RAB1A: variants seen among roughly 807,000 people sequenced by gnomAD.
RAB1A encodes the protein RAB1A, member RAS oncogene family, also known as ras-related protein Rab-1A.
Under a neutral mutation model 26.0 loss-of-function variants are expected in RAB1A, and 2 were observed. That is an observed-to-expected ratio of 0.08 (90% confidence interval 0.03 to 0.24). The LOEUF (loss-of-function observed/expected upper bound fraction) is 0.24, where lower values mean the gene tolerates loss of function less well. Among genes scored for constraint, RAB1A ranks in the 10% least tolerant of loss-of-function variants. The pLI, the probability that RAB1A is intolerant of heterozygous loss-of-function variation, is 1.00. For synonymous variants in RAB1A, 84 were observed against 84.9 expected (o/e 0.99, Z 0.06); for missense variants, 100 against 247.0 (o/e 0.40, Z 3.99).
chr2:65,121,791 C>T (rs1669968280), intron 1 of RAB1A, among the ~76,000 whole-genome samples: 1 of 151,484 alleles, frequency 6.6e-6, no homozygotes, highest in African/African-American at 2.4e-5. Context: ...AAAGCGGGGG[C>T]CGGGGGGGAG....
chr2:65,088,602 G>A lies in RAB1A; in HGVS notation c.509C>T (p.Ala170Val). 6.2e-7 allele frequency: 1 copy of A among 1,613,660 alleles called. No individual in the cohort carries two copies. Among genetic ancestry groups the A allele is most frequent in the Non-Finnish European group, 8.5e-7 (1 of 1,179,798 alleles). The change falls in exon 6 of 6, where the codon GCT (alanine) becomes GTT (valine). Residue 170 changes from alanine (A) to valine (V), a missense_variant. This residue lies in a region of RAB1A where 67 missense variants were observed against 122.9 expected (regional missense o/e 0.55). Transcript: ENST00000409784. Reference sequence around the variant, plus strand: ...GGGACCCATTCGCTTTTTAATCTCAGCTGCCATCGTCATGAAAGACTGTTC... The same window carrying A: ...GGGACCCATTCGCTTTTTAATCTCAACTGCCATCGTCATGAAAGACTGTTC... ...NVEQSFMTMA[A>V]EIKKRMGPGA...
intron 1 of RAB1A, among the ~76,000 whole-genome samples, chr2:65,118,703 C>G (rs1428077626): frequency 1.3e-5 from 2 of 152,056 alleles, no homozygotes; most frequent in Non-Finnish European, 2.9e-5. Flanking sequence ...GTCTTGAACT[C>G]CTGAGCTCAG....
At chr2:65,119,967 TAGTA>T (rs948693568) in intron 1 of RAB1A, among the ~76,000 whole-genome samples, 72 of 152,014 alleles carry the variant, frequency 4.7e-4, no homozygotes, top group African/African-American at 1.4e-3. Context: ...TCACTAGCTT[TAGTA>T]AGTAAGAAAT....
chr2:65,091,930 C>G (rs1466203216), intron 3 of RAB1A, among the ~76,000 whole-genome samples: 1 of 152,236 alleles, frequency 6.6e-6, no homozygotes, highest in African/African-American at 2.4e-5. Context: ...CATTTAGGCT[C>G]AAACTCCCAA....
Position 65,104,916 on chromosome 2 carries a change from C to T in RAB1A, c.24-110G>A, listed in dbSNP as rs760403515. On this transcript the variant is annotated intron_variant, in intron 1 of 5. Coordinates refer to ENST00000409784, the MANE Select transcript of RAB1A (RefSeq NM_004161.5). Reference sequence around the variant, plus strand: ...TAACAACTCACTGTGAAGACTACATCTCCTATAAAGCCCATGCATGGCTTA... The same window carrying T: ...TAACAACTCACTGTGAAGACTACATTTCCTATAAAGCCCATGCATGGCTTA... 6.5e-6 allele frequency: 6 copies of T among 926,634 alleles called. No homozygotes were observed. The Admixed American group carries it at 1.0e-4, about 16-fold the overall frequency. The allele number at this position is 926,634 out of a possible 1,614,324, so 57.4% of individuals were successfully genotyped here.
rs756665684 is a variant in RAB1A, at chr2:65,129,902, T to C, written c.14A>G (p.Asn5Ser). Residue 5 changes from asparagine to serine, a missense_variant, in exon 1 of 6, where the codon AAT (asparagine) becomes AGT (serine). Physicochemically the swap from Asn to Ser is conservative, Grantham distance 46. Transcript: ENST00000409784. Reference protein sequence around the residue: MSSMNPEYDYLFKLL... With the variant: MSSMSPEYDYLFKLL... ...GCTCTCCTGAACTCACTATTCGGGA[T>C]TCATGCTGGACATGTCACTGCAGCT... 6.3e-7 allele frequency: 1 copy of C among 1,596,416 alleles called. No homozygotes were observed. The highest frequency in any genetic ancestry group is 8.5e-7 in the Non-Finnish European group (1 of 1,172,594).
chr2:65,113,200 TCA>T (rs1297059745), intron 1 of RAB1A, among the ~76,000 whole-genome samples: 1 of 152,216 alleles, frequency 6.6e-6, no homozygotes, highest in African/African-American at 2.4e-5. Context: ...GTTTCAAATT[TCA>T]GTTTAGAGTT....
chr2:65,106,346 C>T (rs1361194910), intron 1 of RAB1A: 2 of 309,720 alleles, frequency 6.5e-6, no homozygotes, highest in East Asian at 1.2e-4. Flanking sequence ...AAGTGAAAAC[C>T]ACGTCACAAT....
Position 65,088,276 on chromosome 2 carries a change from A to T in RAB1A, c.*217T>A, listed in dbSNP as rs1395079391. 6.3e-6 allele frequency: 3 copies of T among 472,492 alleles called. No homozygotes were observed. The highest frequency in any genetic ancestry group is 7.4e-6 in the Non-Finnish European group (2 of 269,106). The allele number at this position is 472,492 out of a possible 1,614,324, so 29.3% of individuals were successfully genotyped here. The stretch of plus-strand genomic sequence containing the variant: ...CACACATTATTTTATAAACCAGCAC[A>T]CAAAGGTTTAAAACAGTTCTGAAAA... On this transcript the variant is annotated 3_prime_UTR_variant, in exon 6 of 6. Coordinates refer to ENST00000409784, the MANE Select transcript of RAB1A (RefSeq NM_004161.5).
At chr2:65,124,356 G>C (rs1670045362) in intron 1 of RAB1A, among the ~76,000 whole-genome samples, 1 of 152,202 alleles carries the variant, frequency 6.6e-6, no homozygotes, top group Non-Finnish European at 1.5e-5. Flanking sequence ...AGGATCGCTT[G>C]AGGCCAGGAG....
chr2:65,129,859 C>T (rs1178758507), intron 1 of RAB1A, 34 bp downstream of exon 1: 7 of 1,586,002 alleles, frequency 4.4e-6, no homozygotes, highest in Non-Finnish European at 6.0e-6. Flanking sequence ...AGCTGGCCCA[C>T]GGACCCAGCC....
chr2:65,129,927 T>TGCCGCCGCCGCC lies in RAB1A; in HGVS notation c.-24_-13dup, dbSNP rs753592329. The TGCCGCCGCCGCC allele has an allele frequency of 1.3e-6, 2 of 1,585,540 alleles. No individual in the cohort carries two copies. Among genetic ancestry groups the TGCCGCCGCCGCC allele is most frequent in the Non-Finnish European group, 8.6e-7 (1 of 1,167,672 alleles). Reference sequence around the variant, plus strand: ...TTCATGCTGGACATGTCACTGCAGCTGCCGCCGCCGCCACCGCCGCCCTTG... The same window carrying TGCCGCCGCCGCC: ...TTCATGCTGGACATGTCACTGCAGCTGCCGCCGCCGCCGCCGCCGCCGCCACCGCCGCCCTTG... On this transcript the variant is annotated 5_prime_UTR_variant, in exon 1 of 6. Coordinates refer to ENST00000409784, the MANE Select transcript of RAB1A (RefSeq NM_004161.5).
intron 4 of RAB1A, among the ~76,000 whole-genome samples, chr2:65,089,369 C>A (rs934752305): frequency 6.6e-6 from 1 of 151,742 alleles, no homozygotes; most frequent in South Asian, 2.1e-4. Context: ...CATGCCACCA[C>A]ACCTGTCTTT....
chr2:65,112,143 C>G (rs1365324990), intron 1 of RAB1A, among the ~76,000 whole-genome samples: 1 of 149,212 alleles, frequency 6.7e-6, no homozygotes, highest in Admixed American at 6.8e-5. Context: ...AATGCTAGCT[C>G]ATGATTTTTT....
intron 1 of RAB1A, among the ~76,000 whole-genome samples, chr2:65,121,489 C>T (rs1019508978): frequency 1.3e-5 from 2 of 152,130 alleles, no homozygotes; most frequent in Admixed American, 1.3e-4. Context: ...CAACCTGTCA[C>T]AGAAGTACCA....
intron 1 of RAB1A, among the ~76,000 whole-genome samples, chr2:65,122,456 G>A (rs1669989119): frequency 6.6e-6 from 1 of 152,164 alleles, no homozygotes; most frequent in East Asian, 1.9e-4. Flanking sequence ...TACTCAGGAG[G>A]CTGAGGTGGG....
At chr2:65,102,627 T>TA (rs35458725) in intron 2 of RAB1A, among the ~76,000 whole-genome samples, 1,668 of 145,182 alleles carry the variant, frequency 0.011, 16 homozygotes, top group Non-Finnish European at 0.014. Context: ...TCTTTCAAGT[T>TA]AAAAAAAAAA....
chr2:65,127,883 A>C (rs1010632076), intron 1 of RAB1A, among the ~76,000 whole-genome samples: 2 of 151,982 alleles, frequency 1.3e-5, no homozygotes, highest in African/African-American at 4.8e-5. Context: ...ACAGGTGCCC[A>C]CCACCACGCC....
intron 2 of RAB1A, among the ~76,000 whole-genome samples, chr2:65,099,626 AT>A (rs917479373): frequency 6.6e-6 from 1 of 152,160 alleles, no homozygotes; most frequent in Non-Finnish European, 1.5e-5. Flanking sequence ...GATTTTTTCA[AT>A]TATTTTTCCC....
Sources: gnomAD v4.1 joint callset for allele counts (sites outside exome capture counted in the v4.1 genomes callset) on GRCh38, gnomAD v4.1.1 for gene constraint, gnomAD v4.1.1 regional missense constraint, MANE v1.5 for transcripts, NCBI Gene and HGNC (gene_info 2026-07-23, HGNC 2026-07-21) for gene names.